Variants in PPP2R5E observed in about 807,000 individuals in gnomAD.
PPP2R5E encodes the protein serine/threonine-protein phosphatase 2A 56 kDa regulatory subunit epsilon isoform.
In PPP2R5E, 4 loss-of-function variants were observed where a neutral mutation model predicts 65.3. The observed-to-expected ratio is 0.06, with a 90% confidence interval of 0.03 to 0.14. PPP2R5E has a LOEUF of 0.14. Among genes scored for constraint, PPP2R5E ranks in the 10% least tolerant of loss-of-function variants. The pLI is 1.00. For missense variants in PPP2R5E, 274 were observed against 556.1 expected (o/e 0.49, Z 5.10); for synonymous variants, 183 against 187.4 (o/e 0.98, Z 0.19).
At chr14:63,529,185 C>T (rs926297217) in intron 2 of PPP2R5E, among the ~76,000 whole-genome samples, 4 of 152,076 alleles carry the variant, frequency 2.6e-5, no homozygotes, top group African/African-American at 7.2e-5. Flanking sequence ...TGATCTTGAA[C>T]ACCTGGCCTC....
At position 63,389,659 on chromosome 14, in the gene PPP2R5E, G is replaced by A. The variant is rs2139773389; in HGVS notation, c.1027C>T (p.Pro343Ser). The change falls in exon 11 of 14, where the codon CCT (proline) becomes TCT (serine). Residue 343 changes from proline to serine, a missense_variant. Around this residue, in one of 6 missense-constraint regions of PPP2R5E, gnomAD observed 129 missense variants for 254.9 expected, o/e 0.51. Coordinates refer to ENST00000337537, the MANE Select transcript of PPP2R5E (RefSeq NM_006246.5). The part of the protein sequence containing the change: ...EPSQFVKIQE[P>S]LFKQIAKCVS... Reference sequence around the variant, plus strand: ...CACTTGGCGATTTGTTTAAACAAAGGTTCTTGGATTTTAACAAATTGTGAA... The same window carrying A: ...CACTTGGCGATTTGTTTAAACAAAGATTCTTGGATTTTAACAAATTGTGAA... 1 of 1,612,248 alleles carries A rather than the reference G, an allele frequency of 6.2e-7. No homozygotes were observed. The highest frequency in any genetic ancestry group is 8.5e-7 in the Non-Finnish European group (1 of 1,179,518).
Position 63,459,933 on chromosome 14 carries a change from A to G in PPP2R5E, c.158-6048T>C, listed in dbSNP as rs373632421. On this transcript the variant is annotated intron_variant, in intron 2 of 13. Coordinates refer to ENST00000337537, the MANE Select transcript of PPP2R5E (RefSeq NM_006246.5). Reference sequence around the variant, plus strand: ...AAAGCGTTCTTTCTTGGCCTTGGCTATAATAGGTGAATGTCGAGTTGGCTG... The same window carrying G: ...AAAGCGTTCTTTCTTGGCCTTGGCTGTAATAGGTGAATGTCGAGTTGGCTG... 8.7e-4 allele frequency among the ~76,000 whole-genome samples: 132 copies of G among 152,326 alleles called. 1 individual carries two copies. The South Asian group carries it at 0.023, about 27-fold the overall frequency.
At chr14:63,422,335 C>T (rs1224328433) in intron 3 of PPP2R5E, among the ~76,000 whole-genome samples, 1 of 152,186 alleles carries the variant, frequency 6.6e-6, no homozygotes, top group Non-Finnish European at 1.5e-5. Flanking sequence ...TTAACCCTTC[C>T]CTCCCTAGGT....
At chr14:63,518,322 G>C (rs1250898432) in intron 2 of PPP2R5E, among the ~76,000 whole-genome samples, 4 of 152,136 alleles carry the variant, frequency 2.6e-5, no homozygotes, top group African/African-American at 4.8e-5. Flanking sequence ...GTTAACTGCA[G>C]CCTCAAACTC....
intron 11 of PPP2R5E, among the ~76,000 whole-genome samples, chr14:63,385,820 T>C (rs1884632074): frequency 6.6e-6 from 1 of 152,176 alleles, no homozygotes; most frequent in Non-Finnish European, 1.5e-5. Context: ...TTGTTTCTGG[T>C]CCCTTCCTGT....
intron 11 of PPP2R5E, among the ~76,000 whole-genome samples, chr14:63,385,531 C>G (rs781222185): frequency 2.0e-5 from 3 of 152,082 alleles, no homozygotes; most frequent in Non-Finnish European, 2.9e-5. Context: ...ACCCAGGGCC[C>G]AGCATATGGT....
chr14:63,373,182 T>C lies in PPP2R5E; in HGVS notation c.*2827A>G, dbSNP rs1359518574. On this transcript the variant is annotated 3_prime_UTR_variant, in exon 14 of 14. Coordinates refer to ENST00000337537, the MANE Select transcript of PPP2R5E (RefSeq NM_006246.5). ...TTTTCTCTTCCAAAGACACTCTTAA[T>C]CCTATCCCTGAAACCAATATGGTAA... is the stretch of plus-strand genomic sequence containing the variant. 1 of 152,222 alleles carries C rather than the reference T, an allele frequency of 6.6e-6. No individual in the cohort carries two copies. The highest frequency in any genetic ancestry group is 2.4e-5 in the African/African-American group (1 of 41,450). The allele number at this position is 152,222 out of a possible 1,614,324, so 9.4% of individuals were successfully genotyped here. A position where few individuals can be genotyped will look rare whatever the true frequency, so the allele number is the denominator to read the frequency against.
chr14:63,445,789 C>A (rs961451564), intron 3 of PPP2R5E, among the ~76,000 whole-genome samples: 1 of 150,690 alleles, frequency 6.6e-6, no homozygotes, highest in Admixed American at 6.6e-5. Flanking sequence ...TTGCAGTGAG[C>A]GGAGATTGTG....
intron 3 of PPP2R5E, among the ~76,000 whole-genome samples, chr14:63,450,447 G>C (rs1163107320): frequency 6.6e-6 from 1 of 152,112 alleles, no homozygotes; most frequent in Non-Finnish European, 1.5e-5. Context: ...CTGGAGAATG[G>C]GGAGGAAAAG....
At chr14:63,398,895 A>G (rs1182662335) in intron 5 of PPP2R5E, among the ~76,000 whole-genome samples, 2 of 152,236 alleles carry the variant, frequency 1.3e-5, no homozygotes, top group Non-Finnish European at 2.9e-5. Flanking sequence ...ATATGGAGAA[A>G]CTGGAACCCT....
intron 2 of PPP2R5E, among the ~76,000 whole-genome samples, chr14:63,467,083 G>A (rs11850679): frequency 0.3 from 44,871 of 150,966 alleles, 8,319 homozygotes; most frequent in African/African-American, 0.52. Flanking sequence ...AAAATTAGCC[G>A]GGCGTGGTGG....
At chr14:63,534,997 C>A (rs1035978462) in intron 2 of PPP2R5E, among the ~76,000 whole-genome samples, 2 of 152,136 alleles carry the variant, frequency 1.3e-5, no homozygotes, top group African/African-American at 4.8e-5. Flanking sequence ...TCTATCTTTG[C>A]AAAGTTCATC....
At chr14:63,472,205 C>A (rs1411471134) in intron 2 of PPP2R5E, among the ~76,000 whole-genome samples, 1 of 152,100 alleles carries the variant, frequency 6.6e-6, no homozygotes, top group East Asian at 1.9e-4. Flanking sequence ...GAGGCTGAGG[C>A]AGGAGAATCG....
At chr14:63,455,866 A>C (rs1389612730) in intron 2 of PPP2R5E, among the ~76,000 whole-genome samples, 1 of 152,068 alleles carries the variant, frequency 6.6e-6, no homozygotes, top group East Asian at 1.9e-4. Flanking sequence ...AGTCTTGTTC[A>C]AGCAATTCTC....
chr14:63,487,528 C>T (rs1208787288), intron 2 of PPP2R5E, among the ~76,000 whole-genome samples: 2 of 152,058 alleles, frequency 1.3e-5, no homozygotes, highest in Non-Finnish European at 2.9e-5. Context: ...TCAATGCCAA[C>T]GATGTAGGCA....
Position 63,397,676 on chromosome 14 carries a change from C to T in PPP2R5E, c.550-960G>A, listed in dbSNP as rs118131006. On this transcript the variant is annotated intron_variant, in intron 5 of 13. Transcript: ENST00000337537. ...TAGGTGTGCTCACTCTGTAAATAGT[C>T]AACGAAGTGAACATTGATTATTTCT... is the stretch of plus-strand genomic sequence containing the variant. Among the ~76,000 whole-genome samples, 58 of 151,546 alleles carry T rather than the reference C, an allele frequency of 3.8e-4. No homozygotes were observed. In the East Asian group the frequency reaches 9.9e-3, roughly 26 times the overall value.
At chr14:63,466,768 TATACATATGTGTATAC>T (rs1244550368) in intron 2 of PPP2R5E, among the ~76,000 whole-genome samples, 3 of 152,250 alleles carry the variant, frequency 2.0e-5, no homozygotes, top group African/African-American at 4.8e-5. Context: ...TGTATGTGTG[TATACATATGTGTATAC>T]ATACATATGT....
intron 5 of PPP2R5E, 151 bp downstream of exon 5, chr14:63,414,989 A>G (rs1054183572): frequency 7.3e-6 from 3 of 411,008 alleles, no homozygotes; most frequent in Non-Finnish European, 1.3e-5. Flanking sequence ...TTTAATAGGC[A>G]GTAATGGAAA....
intron 2 of PPP2R5E, among the ~76,000 whole-genome samples, chr14:63,537,932 A>T (rs1594984618): frequency 6.6e-6 from 1 of 152,240 alleles, no homozygotes; most frequent in Non-Finnish European, 1.5e-5. Context: ...AGCAAACATG[A>T]TGAAAATTAA....
Sources: allele counts gnomAD v4.1 joint callset (sites outside exome capture counted in the v4.1 genomes callset), GRCh38; gene constraint gnomAD v4.1.1; regional missense constraint gnomAD v4.1.1; transcripts MANE v1.5; gene names NCBI Gene and HGNC (gene_info 2026-07-23, HGNC 2026-07-21).